RIF1: variants seen among roughly 807,000 people sequenced by gnomAD.
The protein encoded by RIF1 is replication timing regulatory factor 1.
In RIF1, 45 loss-of-function variants were observed where a neutral mutation model predicts 247.1. The ratio of observed to expected loss-of-function variants is 0.18; its 90% CI spans 0.14 to 0.23. RIF1 has a LOEUF of 0.23. RIF1 is among the 10% of genes least tolerant of loss of function. The pLI, the probability that RIF1 is intolerant of heterozygous loss-of-function variation, is 1.00. For synonymous variants in RIF1, 1,087 were observed against 978.8 expected, an observed-to-expected ratio of 1.11 and a Z score of -2.06; for missense variants, 2,967 against 2,862.5, an observed-to-expected ratio of 1.04 and a Z score of -0.83.
chr2:151,530,737 G>C, the RIF1 span: 1 of 355,792 alleles, frequency 2.8e-6, no homozygotes, highest in Non-Finnish European at 5.1e-6. Context: ...ATCACCAATG[G>C]CTAGCCATGG....
At chr2:151,491,875 C>T in intron 9 of RIF1, 1 of 1,058,150 alleles carries the variant, frequency 9.5e-7, no homozygotes, top group Non-Finnish European at 1.4e-6. Context: ...GATTGAATCA[C>T]ACTTATTCCA....
chr2:151,527,619 T>C, the RIF1 span: 1 of 1,497,716 alleles, frequency 6.7e-7, no homozygotes, highest in Non-Finnish European at 9.2e-7. Flanking sequence ...AATCACTTGA[T>C]TCAGTAGGCT....
the RIF1 span, among the ~76,000 whole-genome samples, chr2:151,530,150 T>C: frequency 6.6e-6 from 1 of 152,206 alleles, no homozygotes; most frequent in African/African-American, 2.4e-5. Context: ...TAGACAATAT[T>C]TGATGAATGA....
intron 25 of RIF1, 63 bp downstream of exon 25, chr2:151,458,973 T>A (rs1695684276): frequency 1.0e-6 from 1 of 959,480 alleles, no homozygotes; most frequent in South Asian, 1.6e-5. Context: ...TTGAAAGTTA[T>A]AAATAAGTAG....
chr2:151,519,151 TC>T, the RIF1 span: 2 of 892,846 alleles, frequency 2.2e-6, no homozygotes, highest in Non-Finnish European at 3.7e-6. Flanking sequence ...AGATAGCCCA[TC>T]GTCAAACAAA....
intron 12 of RIF1, among the ~76,000 whole-genome samples, chr2:151,504,053 G>A (rs4643540): frequency 0.58 from 88,812 of 151,840 alleles, 26,450 homozygotes; most frequent in Admixed American, 0.69. Flanking sequence ...ATATTTTTTA[G>A]TAGTAGTATC....
chr2:151,446,218 C>A (rs143041686), intron 19 of RIF1, among the ~76,000 whole-genome samples: 2 of 150,270 alleles, frequency 1.3e-5, no homozygotes, highest in African/African-American at 4.9e-5. Flanking sequence ...ATGTTGACCT[C>A]GAACTCCTGA....
intron 10 of RIF1, chr2:151,497,146 A>G: frequency 7.3e-7 from 1 of 1,370,316 alleles, no homozygotes. Flanking sequence ...TTGTCCAAGG[A>G]GCCAGAAGTT....
chr2:151,464,576 C>T lies in RIF1; in HGVS notation c.5056C>T (p.Arg1686Ter). Reference protein sequence around the residue: ...TRNAIKRLHKRDSFDNCSLGE... With the variant: ...TRNAIKRLHK ...AAATGCCATTAAGAGATTACATAAG[C>T]GAGACTCTTTTGATAATTGTAGTTT... The change falls in exon 30 of 36, where the codon CGA becomes TGA. Residue 1686 changes from arginine (R) to a stop codon, truncating the protein, a stop_gained. Transcript: ENST00000444746. LOFTEE classifies it high-confidence loss of function. 1.9e-6 allele frequency: 3 copies of T among 1,613,258 alleles called. No individual in the cohort carries two copies. The highest frequency in any genetic ancestry group is 2.5e-6 in the Non-Finnish European group (3 of 1,179,490).
Position 151,425,447 on chromosome 2 carries a change from T to C in RIF1, c.786+2405T>C, listed in dbSNP as rs925010317. On this transcript the variant is annotated intron_variant, in intron 8 of 35. Transcript: ENST00000444746. The stretch of plus-strand genomic sequence containing the variant: ...GTACTTGACATCATATTCATGAAGT[T>C]GTTGCCAAATCCAGTGTCATTTTTG... Among the ~76,000 whole-genome samples, 11 of 152,224 alleles carry C rather than the reference T, an allele frequency of 7.2e-5. No individual in the cohort carries two copies. The East Asian group carries it at 9.6e-4, about 13-fold the overall frequency.
At chr2:151,469,676 A>G (rs1697502554) in intron 33 of RIF1, 35 bp from the exon 34 acceptor site, 4 of 1,425,122 alleles carry the variant, frequency 2.8e-6, no homozygotes, top group Admixed American at 4.9e-5. Context: ...AAATAAAACT[A>G]TATAATTATA....
Position 151,465,032 on chromosome 2 carries a change from A to G in RIF1, c.5512A>G (p.Ile1838Val), listed in dbSNP as rs756936545. The change falls in exon 30 of 36, where the codon ATT (isoleucine) becomes GTT (valine). Residue 1838 changes from isoleucine (I) to valine (V), a missense_variant. Ile to Val is a conservative substitution (Grantham distance 29). Around this residue, in one of 7 missense-constraint regions of RIF1, gnomAD observed 2,028 missense variants for 1,825.6 expected, o/e 1.11. Transcript: ENST00000444746. Reference sequence around the variant, plus strand: ...TGGAATAGTAAACTTTAGAGAGGAAATTTGTGATATGGATTCTAGTGAAGC... The same window carrying G: ...TGGAATAGTAAACTTTAGAGAGGAAGTTTGTGATATGGATTCTAGTGAAGC... ...PSGIVNFREEICDMDSSEAMS... is the reference protein window; with the variant it reads ...PSGIVNFREEVCDMDSSEAMS... 43 of 1,575,792 alleles carry G rather than the reference A, an allele frequency of 2.7e-5. No individual in the cohort carries two copies. The highest frequency in any genetic ancestry group is 3.6e-5 in the Non-Finnish European group (42 of 1,170,838).
chr2:151,468,540 A>T lies in RIF1; in HGVS notation c.6814A>T (p.Lys2272Ter). 1.2e-6 allele frequency: 2 copies of T among 1,613,046 alleles called. No individual in the cohort carries two copies. Among genetic ancestry groups the T allele is most frequent in the African/African-American group, 1.3e-5 (1 of 74,996 alleles). The change falls in exon 32 of 36, where the codon AAG becomes TAG. Residue 2272 changes from lysine (K) to a stop codon, truncating the protein, a stop_gained. Transcript: ENST00000444746. LOFTEE classifies it high-confidence loss of function. Reference sequence around the variant, plus strand: ...ACGTAGCCCTAAATTTAAGAGCTCAAAGAAGTGTTTAGTAAGAAGTGCTTT... The same window carrying T: ...ACGTAGCCCTAAATTTAAGAGCTCATAGAAGTGTTTAGTAAGAAGTGCTTT... ...GSRSPKFKSS[K>*]KCLISEMAKE...
At chr2:151,491,659 G>T (rs755225703) in intron 9 of RIF1, 16 of 1,519,018 alleles carry the variant, frequency 1.1e-5, no homozygotes, top group African/African-American at 1.4e-5. Context: ...TGTTTATGTT[G>T]TAAGCCTTTT....
intron 23 of RIF1, among the ~76,000 whole-genome samples, chr2:151,457,312 G>C (rs923413026): frequency 1.3e-5 from 2 of 151,924 alleles, no homozygotes; most frequent in African/African-American, 4.8e-5. Context: ...TTGTAGAGGC[G>C]GGGTTTTGCC....
chr2:151,526,853 G>C, the RIF1 span: 1 of 1,145,058 alleles, frequency 8.7e-7, no homozygotes, highest in Non-Finnish European at 1.3e-6. Context: ...GGTGTCCCTG[G>C]GGACTGTACC....
chr2:151,503,055 T>C, exon 12 of RIF1: 1 of 589,158 alleles, frequency 1.7e-6, no homozygotes, highest in Non-Finnish European at 3.0e-6. Context: ...AACTCTACAA[T>C]GCTAATTCTG....
chr2:151,485,473 G>A (rs1303850727), downstream of RIF1: 2 of 261,412 alleles, frequency 7.7e-6, no homozygotes, highest in African/African-American at 4.4e-5. Flanking sequence ...TTCCTTTAAT[G>A]TGTTTGGCAT....
Position 151,502,756 on chromosome 2 carries a change from T to A in RIF1, c.*710-278T>A, listed in dbSNP as rs1319368920. 8 of 1,142,290 alleles carry A rather than the reference T, an allele frequency of 7.0e-6. No homozygotes were observed. In the Admixed American group the frequency reaches 1.2e-4, roughly 18 times the overall value. 70.8% of individuals were successfully genotyped at this position (1,142,290 alleles called of 1,614,324 possible). ...AAGGTGTTATTATTTTAAATAAAAT[T>A]AAGGGATTTTTTTTTTTTTGGCCCC... On this transcript the variant is annotated intron_variant and NMD_transcript_variant, in intron 11 of 13. Coordinates refer to the RIF1 transcript ENST00000454583.
Sources: gnomAD v4.1 joint callset for allele counts (sites outside exome capture counted in the v4.1 genomes callset) on GRCh38, gnomAD v4.1.1 for gene constraint, gnomAD v4.1.1 regional missense constraint, MANE v1.5 for transcripts, NCBI Gene and HGNC (gene_info 2026-07-23, HGNC 2026-07-21) for gene names.